SYNPO2L: variants seen among roughly 807,000 people sequenced by gnomAD.
SYNPO2L encodes the protein synaptopodin 2-like protein.
A neutral mutation model predicts 47.5 loss-of-function variants in SYNPO2L; 34 were observed. That is an observed-to-expected ratio of 0.72 (90% confidence interval 0.54 to 0.95). The LOEUF (loss-of-function observed/expected upper bound fraction) is 0.95, where lower values mean the gene tolerates loss of function less well. Ranked by LOEUF, SYNPO2L falls within the 40% of genes least tolerant of loss-of-function variation. SYNPO2L has a pLI of 0.00. For synonymous variants in SYNPO2L, 536 were observed against 524.9 expected, an observed-to-expected ratio of 1.02 and a Z score of -0.29; for missense variants, 1,246 against 1,282.0, an observed-to-expected ratio of 0.97 and a Z score of 0.43.
At position 73,648,761 on chromosome 10, in the gene SYNPO2L, C is replaced by T. The variant is rs1320037194; in HGVS notation, c.891G>A (p.Met297Ile). 6 of 1,611,872 alleles carry T rather than the reference C, an allele frequency of 3.7e-6. No individual in the cohort carries two copies. The highest frequency in any genetic ancestry group is 1.3e-5 in the African/African-American group (1 of 74,914). The change falls in exon 4 of 4, where the codon ATG (methionine) becomes ATA (isoleucine). Residue 297 changes from methionine (M) to isoleucine (I), a missense_variant. Physicochemically the swap from Met to Ile is conservative, Grantham distance 10. This residue lies in a region of SYNPO2L where 1,037 missense variants were observed against 1,021.5 expected (regional missense o/e 1.02). Coordinates refer to ENST00000394810, the MANE Select transcript of SYNPO2L (RefSeq NM_001114133.3). ...APNPHSKGVLMFKKRRQRAKK... is the reference protein window; with the variant it reads ...APNPHSKGVLIFKKRRQRAKK... Reference sequence around the variant, plus strand: ...TGGCTCTCTGCCGCCGTTTCTTAAACATAAGTACCCCTTTGGAGTGGGGGT... The same window carrying T: ...TGGCTCTCTGCCGCCGTTTCTTAAATATAAGTACCCCTTTGGAGTGGGGGT...
chr10:73,649,661 A>T, intron 3 of SYNPO2L: 1 of 943,350 alleles, frequency 1.1e-6, no homozygotes, highest in African/African-American at 1.8e-5. Flanking sequence ...ACTCAAATAC[A>T]TTCACACACC....
intron 3 of SYNPO2L, chr10:73,650,835 A>C (rs1342761062): frequency 6.9e-7 from 1 of 1,448,588 alleles, no homozygotes; most frequent in Non-Finnish European, 9.2e-7. Context: ...CCCAAAGACT[A>C]CCCTTCCTAA....
intron 1 of SYNPO2L, among the ~76,000 whole-genome samples, chr10:73,654,647 C>T (rs1190103158): frequency 3.3e-5 from 5 of 152,000 alleles, no homozygotes; most frequent in African/African-American, 1.2e-4. Context: ...AGTTTGAGAC[C>T]AGCCTGGCCA....
chr10:73,650,930 C>G (rs778412789), intron 3 of SYNPO2L: 1 of 1,613,540 alleles, frequency 6.2e-7, no homozygotes, highest in East Asian at 2.2e-5. Context: ...AGTCTTGGAG[C>G]TCAGGAACTG....
In SYNPO2L at chr10:73,647,359, G is replaced by T. The variant is rs199811689; in HGVS notation, c.2293C>A (p.Arg765=). ...QGRGGELFAK[R]QSRADRYVVE... is the part of the protein sequence containing the mutation. ...ACATACCTGTCCGCACGGCTCTGCC[G>T]CTTAGCAAACAGCTCCCCACCCCTG... is the stretch of plus-strand genomic sequence containing the variant. The change falls in exon 4 of 4, where the codon CGG becomes AGG. Residue 765 remains arginine (R), a synonymous_variant. Coordinates refer to ENST00000394810, the MANE Select transcript of SYNPO2L (RefSeq NM_001114133.3). 2.7e-5 allele frequency: 44 copies of T among 1,614,030 alleles called. 1 individual carries two copies. The South Asian group carries it at 3.6e-4, about 13-fold the overall frequency.
In SYNPO2L at chr10:73,645,691, A is replaced by G. The variant is rs2081739313; in HGVS notation, c.*1027T>C. 1.0e-6 allele frequency: 1 copy of G among 985,870 alleles called. No individual in the cohort carries two copies. The highest frequency in any genetic ancestry group is 1.1e-4 in the East Asian group (1 of 8,806). 61.1% of individuals were successfully genotyped at this position (985,870 alleles called of 1,614,324 possible). The stretch of plus-strand genomic sequence containing the variant: ...CTTTTCATGCTCCATAACTTTCACA[A>G]GATGCTGTACACCTGCTACAGACAT... On this transcript the variant is annotated 3_prime_UTR_variant, in exon 4 of 4. Coordinates refer to ENST00000394810, the MANE Select transcript of SYNPO2L (RefSeq NM_001114133.3).
intron 3 of SYNPO2L, among the ~76,000 whole-genome samples, chr10:73,652,486 T>A (rs2081849283): frequency 6.6e-6 from 1 of 151,900 alleles, no homozygotes; most frequent in South Asian, 2.1e-4. Context: ...CTGACCAGTA[T>A]GGTGAAACCC....
chr10:73,649,760 G>A (rs2081823801), intron 3 of SYNPO2L: 1 of 985,246 alleles, frequency 1.0e-6, no homozygotes, highest in Admixed American at 6.2e-5. Flanking sequence ...GTTGATCTCG[G>A]CCTTCCAACT....
rs763404771 is a variant in SYNPO2L at position 73,646,912 on chromosome 10, T to C, written c.2740A>G (p.Thr914Ala). ...GTTCTCCAGATGGGCTCATCCAGTG[T>C]AGTGGCTGCTCGGGGGGCAAGCACA... ...PTVLAPRAAT[T>A]LDEPIWRTEL... The change falls in exon 4 of 4, where the codon ACA becomes GCA. Residue 914 changes from threonine (T) to alanine (A), a missense_variant. Physicochemically the swap from Thr to Ala is moderately conservative, Grantham distance 58. This residue lies in a region of SYNPO2L where 1,037 missense variants were observed against 1,021.5 expected (regional missense o/e 1.02). Transcript: ENST00000394810. 4 of 1,583,644 alleles carry C rather than the reference T, an allele frequency of 2.5e-6. No individual in the cohort carries two copies. Among genetic ancestry groups the C allele is most frequent in the Non-Finnish European group, 3.4e-6 (4 of 1,162,650 alleles).
chr10:73,652,894 A>G (rs2081852354), intron 3 of SYNPO2L, among the ~76,000 whole-genome samples: 1 of 151,966 alleles, frequency 6.6e-6, no homozygotes, highest in Non-Finnish European at 1.5e-5. Context: ...GTCCCTTTCC[A>G]ATTTCCCTAC....
chr10:73,647,524 C>A lies in SYNPO2L; in HGVS notation c.2128G>T (p.Ala710Ser). The part of the protein sequence containing the change: ...HVTPKTPPPM[A>S]PKTPPPMTPK... ...GTCATAGGGGGCGGGGTCTTGGGAG[C>A]CATTGGAGGGGGGGTCTTAGGTGTC... The change falls in exon 4 of 4, where the codon GCT becomes TCT. Residue 710 changes from alanine (A) to serine (S), a missense_variant. Physicochemically the swap from Ala to Ser is moderately conservative, Grantham distance 99. This residue lies in a region of SYNPO2L where 1,037 missense variants were observed against 1,021.5 expected (regional missense o/e 1.02). Coordinates refer to ENST00000394810, the MANE Select transcript of SYNPO2L (RefSeq NM_001114133.3). The A allele has an allele frequency of 6.3e-7, 1 of 1,588,702 alleles. No homozygotes were observed. Among genetic ancestry groups the A allele is most frequent in the Non-Finnish European group, 8.6e-7 (1 of 1,164,696 alleles).
chr10:73,648,075 G>C lies in SYNPO2L; in HGVS notation c.1577C>G (p.Pro526Arg). The C allele has an allele frequency of 6.3e-7, 1 of 1,579,038 alleles. No individual in the cohort carries two copies. The highest frequency in any genetic ancestry group is 1.2e-5 in the South Asian group (1 of 85,154). ...GGAACCAGAGACTGGCGCGTGGCTG[G>C]GAACCCCTGAAGTGAAGCTGGGCAG... ...TPLPSFTSGV[P>R]SHAPVSGSPS... Residue 526 changes from proline (P) to arginine (R), a missense_variant, in exon 4 of 4, where the codon CCC becomes CGC. Physicochemically the swap from Pro to Arg is moderately radical, Grantham distance 103 (BLOSUM62 -2). Around this residue, in one of 3 missense-constraint regions of SYNPO2L, gnomAD observed 1,037 missense variants for 1,021.5 expected, o/e 1.02. Coordinates refer to ENST00000394810, the MANE Select transcript of SYNPO2L (RefSeq NM_001114133.3).
chr10:73,647,247 G>A lies in SYNPO2L; in HGVS notation c.2405C>T (p.Ser802Leu). Residue 802 changes from serine to leucine, a missense_variant, in exon 4 of 4, where the codon TCA (serine) becomes TTA (leucine). Coordinates refer to ENST00000394810, the MANE Select transcript of SYNPO2L (RefSeq NM_001114133.3). ...AGGAGGCGGGGCACGGATGTTGGGT[G>A]AATATTTCCAGGAAGGGGGCAGAGA... ...TPSLPPSWKYSPNIRAPPPIA... is the reference protein window; with the variant it reads ...TPSLPPSWKYLPNIRAPPPIA... The A allele has an allele frequency of 6.2e-7, 1 of 1,614,034 alleles. No homozygotes were observed. The highest frequency in any genetic ancestry group is 8.5e-7 in the Non-Finnish European group (1 of 1,179,976).
At position 73,653,296 on chromosome 10, in the gene SYNPO2L, C is replaced by T. The variant is rs1295674196; in HGVS notation, c.615G>A (p.Glu205=). Residue 205 remains glutamate (E), a synonymous_variant, in exon 3 of 4, where the codon GAG becomes GAA. Coordinates refer to ENST00000394810, the MANE Select transcript of SYNPO2L (RefSeq NM_001114133.3). ...GDSRVSSPSW[E]DGAALQPPPA... is the part of the protein sequence containing the mutation. ...GGGGTGGCTGAAGGGCTGCCCCATC[C>T]TCCCAAGACGGGGAGCTCACACGGC... is the stretch of plus-strand genomic sequence containing the variant. 4 of 1,551,270 alleles carry T rather than the reference C, an allele frequency of 2.6e-6. No individual in the cohort carries two copies. In the African/African-American group the frequency reaches 4.1e-5, roughly 16 times the overall value.
At position 73,646,805 on chromosome 10, in the gene SYNPO2L, G is replaced by A. The variant is rs2081756473; in HGVS notation, c.2847C>T (p.Cys949=). 5 of 1,535,208 alleles carry A rather than the reference G, an allele frequency of 3.3e-6. No homozygotes were observed. The highest frequency in any genetic ancestry group is 4.3e-5 in the Admixed American group (2 of 46,232). Residue 949 remains cysteine (C), a synonymous_variant, in exon 4 of 4, where the codon TGC becomes TGT. Transcript: ENST00000394810. ...ATCGGGGCCTGGCTACCTGGAAACC[G>A]CAGGAGCTGGGAGAAGCCCCAAGGC... is the stretch of plus-strand genomic sequence containing the variant. ...PRGLGASPSS[C]GFQVARPRFS... is the part of the protein sequence containing the mutation.
chr10:73,648,009 C>G lies in SYNPO2L; in HGVS notation c.1643G>C (p.Ser548Thr). The change falls in exon 4 of 4, where the codon AGC becomes ACC. Residue 548 changes from serine to threonine, a missense_variant. This residue lies in a region of SYNPO2L where 1,037 missense variants were observed against 1,021.5 expected (regional missense o/e 1.02). Transcript: ENST00000394810. ...ACTAGGGGCTGGGATGTACAGGGAG[C>G]TGGTGGCTGTCACAGGGCCCGAGGA... ...PRSSGPVTAT[S>T]SLYIPAPSRP... The G allele has an allele frequency of 6.3e-7, 1 of 1,581,430 alleles. No homozygotes were observed.
At position 73,645,512 on chromosome 10, in the gene SYNPO2L, T is replaced by C; in HGVS notation, c.*1206A>G. On this transcript the variant is annotated 3_prime_UTR_variant, in exon 4 of 4. Transcript: ENST00000394810. ...TGATTTGTTCATTCTCGGAGGGAAT[T>C]TTCTTTCTTTTTTTCATTTCCTGGG... The C allele has an allele frequency of 1.0e-6, 1 of 994,920 alleles. No homozygotes were observed. The highest frequency in any genetic ancestry group is 1.2e-6 in the Non-Finnish European group (1 of 836,900). The allele number at this position is 994,920 out of a possible 1,614,324, so 61.6% of individuals were successfully genotyped here.
intron 3 of SYNPO2L, among the ~76,000 whole-genome samples, chr10:73,652,159 T>G (rs1176719702): frequency 6.6e-6 from 1 of 151,346 alleles, no homozygotes; most frequent in African/African-American, 2.4e-5. Flanking sequence ...ATTTATTTAT[T>G]TATTTATTTT....
Position 73,653,506 on chromosome 10 carries a change from C to T in SYNPO2L, c.405G>A (p.Glu135=). 6.4e-7 allele frequency: 1 copy of T among 1,551,830 alleles called. No individual in the cohort carries two copies. The highest frequency in any genetic ancestry group is 8.7e-7 in the Non-Finnish European group (1 of 1,147,022). Residue 135 remains glutamate, a synonymous_variant, in exon 3 of 4, where the codon GAG becomes GAA. Transcript: ENST00000394810. ...PGSLRSPPDS[E]AYYGETDSDA... is the part of the protein sequence containing the mutation. ...CACTGTCAGTCTCTCCGTAGTAAGC[C>T]TCACTATCAGGAGGTGAACGAAGGC... is the stretch of plus-strand genomic sequence containing the variant.
Sources: allele counts gnomAD v4.1 joint callset (sites outside exome capture counted in the v4.1 genomes callset), GRCh38; gene constraint gnomAD v4.1.1; regional missense constraint gnomAD v4.1.1; transcripts MANE v1.5; gene names NCBI Gene and HGNC (gene_info 2026-07-23, HGNC 2026-07-21).